Variants in CNTNAP2 observed in about 807,000 individuals in gnomAD.
CNTNAP2 encodes contactin-associated protein-like 2.
In CNTNAP2, 98 loss-of-function variants were observed where a neutral mutation model predicts 155.2. The observed-to-expected ratio is 0.63, with a 90% CI of 0.54 to 0.75. The LOEUF (loss-of-function observed/expected upper bound fraction) is 0.75, where lower values mean the gene tolerates loss of function less well. Among genes scored for constraint, CNTNAP2 ranks in the 30% least tolerant of loss-of-function variants. The pLI, the probability that CNTNAP2 is intolerant of heterozygous loss-of-function variation, is 0.00. For synonymous variants in CNTNAP2, 651 were observed against 631.2 expected, an observed-to-expected ratio of 1.03 and a Z score of -0.47; for missense variants, 1,727 against 1,688.1, an observed-to-expected ratio of 1.02 and a Z score of -0.40.
intron 9 of CNTNAP2, among the ~76,000 whole-genome samples, chr7:147,394,335 T>C (rs2116450987): frequency 6.6e-6 from 1 of 152,138 alleles, no homozygotes; most frequent in Admixed American, 6.6e-5. Flanking sequence ...GCATGTCTTT[T>C]TTAACAACAT....
At chr7:146,690,865 C>G (rs1370677559) in intron 1 of CNTNAP2, among the ~76,000 whole-genome samples, 1 of 152,066 alleles carries the variant, frequency 6.6e-6, no homozygotes, top group Non-Finnish European at 1.5e-5. Flanking sequence ...GCAACTGTTT[C>G]ATTTTGTCAG....
chr7:147,344,423 G>GAAA (rs138106557), intron 9 of CNTNAP2, among the ~76,000 whole-genome samples: 9 of 151,250 alleles, frequency 6.0e-5, no homozygotes, highest in Non-Finnish European at 1.2e-4. Context: ...GTAACACTAG[G>GAAA]AAAAAAAAAT....
intron 13 of CNTNAP2, among the ~76,000 whole-genome samples, chr7:147,670,112 G>A (rs1249339619): frequency 6.6e-6 from 1 of 152,190 alleles, no homozygotes; most frequent in Non-Finnish European, 1.5e-5. Context: ...TGTAAAATAT[G>A]TGGGGTAATG....
chr7:146,991,005 T>C (rs1444721080), intron 3 of CNTNAP2, among the ~76,000 whole-genome samples: 1 of 152,128 alleles, frequency 6.6e-6, no homozygotes. Context: ...TTGATTTCCT[T>C]TCTTATATCC....
chr7:147,933,799 G>A (rs1249354495), intron 14 of CNTNAP2, among the ~76,000 whole-genome samples: 1 of 152,120 alleles, frequency 6.6e-6, no homozygotes. Context: ...GGAGGCAGAG[G>A]TTGCAGTGAG....
chr7:147,135,713 TA>T (rs1445562728), intron 8 of CNTNAP2, among the ~76,000 whole-genome samples: 5 of 151,378 alleles, frequency 3.3e-5, no homozygotes, highest in Middle Eastern at 3.2e-3. Flanking sequence ...TTTGATGAAA[TA>T]AAACTTGCCT....
At chr7:146,166,527 A>C (rs1166626151) in intron 1 of CNTNAP2, among the ~76,000 whole-genome samples, 3 of 152,188 alleles carry the variant, frequency 2.0e-5, no homozygotes, top group Non-Finnish European at 4.4e-5. Flanking sequence ...TTTCATACTA[A>C]CTTCATGAAC....
At chr7:147,565,681 C>T (rs1051188281) in intron 12 of CNTNAP2, among the ~76,000 whole-genome samples, 1 of 152,128 alleles carries the variant, frequency 6.6e-6, no homozygotes, top group Non-Finnish European at 1.5e-5. Context: ...AGACAGTTAT[C>T]AATACTAACT....
intron 1 of CNTNAP2, among the ~76,000 whole-genome samples, chr7:146,687,998 T>G (rs1046064592): frequency 1.3e-5 from 2 of 152,014 alleles, no homozygotes; most frequent in African/African-American, 2.4e-5. Context: ...GCAAAGAAGG[T>G]GTAGGTGCAG....
At chr7:146,598,816 T>C (rs1798903126) in intron 1 of CNTNAP2, among the ~76,000 whole-genome samples, 1 of 152,128 alleles carries the variant, frequency 6.6e-6, no homozygotes, top group African/African-American at 2.4e-5. Flanking sequence ...AATACATAGA[T>C]ACCTTTACTC....
intron 9 of CNTNAP2, among the ~76,000 whole-genome samples, chr7:147,390,554 A>G (rs987428992): frequency 6.6e-6 from 1 of 151,972 alleles, no homozygotes; most frequent in Non-Finnish European, 1.5e-5. Flanking sequence ...CATGGCTAGC[A>G]AGCTGCTGCT....
intron 1 of CNTNAP2, among the ~76,000 whole-genome samples, chr7:146,418,440 C>A (rs886410977): frequency 3.9e-5 from 6 of 152,148 alleles, no homozygotes; most frequent in African/African-American, 9.7e-5. Context: ...TCTCTCTGTA[C>A]TTCTTTTGCA....
At chr7:147,670,655 G>A (rs143211978) in intron 13 of CNTNAP2, among the ~76,000 whole-genome samples, 2,500 of 152,178 alleles carry the variant, frequency 0.016, 221 homozygotes, top group Admixed American at 0.15. Context: ...CAGACGTCAG[G>A]GGAAGATTAC....
intron 1 of CNTNAP2, among the ~76,000 whole-genome samples, chr7:146,360,900 T>C (rs143798409): frequency 3.4e-4 from 52 of 152,336 alleles, no homozygotes; most frequent in African/African-American, 1.3e-3. Flanking sequence ...ATTCATCAAT[T>C]CGTGGCCTTA....
At chr7:146,966,539 C>T (rs1302942358) in intron 3 of CNTNAP2, among the ~76,000 whole-genome samples, 1 of 152,158 alleles carries the variant, frequency 6.6e-6, no homozygotes, top group Non-Finnish European at 1.5e-5. Context: ...CTGCTCAATC[C>T]ACCAGATGAA....
At chr7:147,845,047 TA>T (rs1798805442) in intron 13 of CNTNAP2, among the ~76,000 whole-genome samples, 1 of 82,952 alleles carries the variant, frequency 1.2e-5, no homozygotes, top group Non-Finnish European at 2.4e-5. Flanking sequence ...GATATTGGTC[TA>T]AAATTCTCTT....
chr7:147,036,158 T>C (rs138157445), intron 3 of CNTNAP2, among the ~76,000 whole-genome samples: 465 of 152,306 alleles, frequency 3.1e-3, no homozygotes, highest in African/African-American at 0.011. Flanking sequence ...GAATAATTTT[T>C]ACATTTCACA....
chr7:147,380,966 A>C (rs1796524913), intron 9 of CNTNAP2, among the ~76,000 whole-genome samples: 1 of 152,112 alleles, frequency 6.6e-6, no homozygotes, highest in Non-Finnish European at 1.5e-5. Flanking sequence ...GAGACTAAGA[A>C]ATTATTTTCT....
intron 3 of CNTNAP2, among the ~76,000 whole-genome samples, chr7:146,991,542 A>C (rs1333670862): frequency 6.6e-6 from 1 of 152,210 alleles, no homozygotes; most frequent in Non-Finnish European, 1.5e-5. Flanking sequence ...GAAAGAAGTT[A>C]CGAACAGAAT....
Sources: gnomAD v4.1 joint callset for allele counts (sites outside exome capture counted in the v4.1 genomes callset) on GRCh38, gnomAD v4.1.1 for gene constraint, MANE v1.5 for transcripts, NCBI Gene and HGNC (gene_info 2026-07-23, HGNC 2026-07-21) for gene names.